SLC38A12: variants seen among roughly 807,000 people sequenced by gnomAD.
SLC38A12 encodes the protein solute carrier family 38 member 12.
chr17:74,795,760 G>A, the SLC38A12 span: 11 of 722,734 alleles, frequency 1.5e-5, no homozygotes, highest in African/African-American at 3.6e-5. Flanking sequence ...CCACACTCTG[G>A]CTAAGCACTG....
the SLC38A12 span, among the ~76,000 whole-genome samples, chr17:74,799,179 G>A: frequency 0.013 from 1,969 of 152,366 alleles, 23 homozygotes; most frequent in Middle Eastern, 0.031. Flanking sequence ...GGACAGTGGG[G>A]ACTCCCAAGT....
chr17:74,823,144 C>T, the SLC38A12 span, among the ~76,000 whole-genome samples: 1 of 152,194 alleles, frequency 6.6e-6, no homozygotes, highest in African/African-American at 2.4e-5. Context: ...TCGCGCCGCA[C>T]CCCTTCCTCT....
At chr17:74,839,103 C>G in the SLC38A12 span, 6,638 of 1,532,614 alleles carry the variant, frequency 4.3e-3, 20 homozygotes, top group Non-Finnish European at 5.2e-3. Flanking sequence ...CCCACCTGAG[C>G]CCCAGAGCCT....
the SLC38A12 span, among the ~76,000 whole-genome samples, chr17:74,780,184 T>C: frequency 6.6e-6 from 1 of 152,244 alleles, no homozygotes; most frequent in African/African-American, 2.4e-5. Flanking sequence ...TTTCACACCC[T>C]GAAATCCTAG....
the SLC38A12 span, among the ~76,000 whole-genome samples, chr17:74,812,242 G>A: frequency 0.021 from 3,256 of 152,126 alleles, 100 homozygotes; most frequent in African/African-American, 0.074. Context: ...GAACTTGAAA[G>A]CTCTCGCAGT....
the SLC38A12 span, among the ~76,000 whole-genome samples, chr17:74,809,117 A>G: frequency 6.6e-6 from 1 of 152,194 alleles, no homozygotes. Context: ...TCAGGTCCCT[A>G]ACTAAGAAAT....
At chr17:74,825,448 G>C in the SLC38A12 span, among the ~76,000 whole-genome samples, 2 of 152,256 alleles carry the variant, frequency 1.3e-5, no homozygotes, top group African/African-American at 4.8e-5. Context: ...TCTGTTTTAA[G>C]GTAAAGTGGG....
At chr17:74,812,764 G>A in the SLC38A12 span, among the ~76,000 whole-genome samples, 3 of 152,104 alleles carry the variant, frequency 2.0e-5, no homozygotes, top group Non-Finnish European at 4.4e-5. Flanking sequence ...AACCTTTCAA[G>A]GCTTGCTGCT....
the SLC38A12 span, among the ~76,000 whole-genome samples, chr17:74,824,275 A>C: frequency 6.6e-6 from 1 of 152,068 alleles, no homozygotes; most frequent in East Asian, 1.9e-4. Flanking sequence ...GAGCTGGGAG[A>C]ATGAAAGGCA....
chr17:74,785,710 C>T, the SLC38A12 span: 2 of 1,443,716 alleles, frequency 1.4e-6, no homozygotes, highest in African/African-American at 2.8e-5. Context: ...AGACACCTGT[C>T]TACCCCGTAT....
At chr17:74,819,750 G>A in the SLC38A12 span, 3 of 1,614,006 alleles carry the variant, frequency 1.9e-6, no homozygotes, top group African/African-American at 1.3e-5. Context: ...CATCCCCCAG[G>A]CGATCTTCAC....
the SLC38A12 span, among the ~76,000 whole-genome samples, chr17:74,833,339 G>T: frequency 6.6e-6 from 1 of 152,252 alleles, no homozygotes; most frequent in Non-Finnish European, 1.5e-5. Context: ...CTAGCTGAAG[G>T]TTCTAGAAGT....
At chr17:74,786,969 G>T in the SLC38A12 span, among the ~76,000 whole-genome samples, 1 of 152,214 alleles carries the variant, frequency 6.6e-6, no homozygotes, top group Admixed American at 6.5e-5. Context: ...ACCCATTTGT[G>T]TTTGAACGTG....
At chr17:74,835,997 G>A in the SLC38A12 span, 295 of 1,612,080 alleles carry the variant, frequency 1.8e-4, 1 homozygote, top group African/African-American at 1.7e-3. Context: ...ACCCGCCCCT[G>A]GCTGACTTCT....
chr17:74,807,487 G>T, the SLC38A12 span, among the ~76,000 whole-genome samples: 8 of 152,358 alleles, frequency 5.3e-5, no homozygotes, highest in African/African-American at 1.9e-4. Flanking sequence ...CCTGCTGATG[G>T]CCAGAGCCCA....
chr17:74,801,110 A>G, the SLC38A12 span, among the ~76,000 whole-genome samples: 4 of 152,160 alleles, frequency 2.6e-5, no homozygotes, highest in African/African-American at 7.2e-5. Context: ...TGCCTCCTTT[A>G]TAGGATGGCG....
the SLC38A12 span, among the ~76,000 whole-genome samples, chr17:74,806,800 C>T: frequency 6.6e-6 from 1 of 152,246 alleles, no homozygotes; most frequent in Admixed American, 6.5e-5. Context: ...CCTGTCTATA[C>T]TCCTAGTTCA....
the SLC38A12 span, chr17:74,838,956 G>T: frequency 5.9e-6 from 9 of 1,535,658 alleles, no homozygotes; most frequent in Non-Finnish European, 7.8e-6. Flanking sequence ...AGGAGCAGGT[G>T]TCGTTGTGGA....
At chr17:74,817,701 C>A in the SLC38A12 span, among the ~76,000 whole-genome samples, 5 of 152,158 alleles carry the variant, frequency 3.3e-5, no homozygotes, top group Non-Finnish European at 7.4e-5. Flanking sequence ...ATGGACAGGG[C>A]CCCTGGAGGA....
Sources: gnomAD v4.1 joint callset for allele counts (sites outside exome capture counted in the v4.1 genomes callset) on GRCh38, gnomAD v4.1.1 for gene constraint, MANE v1.5 for transcripts, NCBI Gene and HGNC (gene_info 2026-07-23, HGNC 2026-07-21) for gene names.